LCA5L: variants seen among roughly 807,000 people sequenced by gnomAD.
LCA5L encodes lebercilin-like protein.
LCA5L carries 35 observed loss-of-function variants against 45.4 expected under a neutral mutation model. The ratio of observed to expected loss-of-function variants is 0.77; its 90% CI spans 0.59 to 1.02. The LOEUF (loss-of-function observed/expected upper bound fraction) is 1.02, where lower values mean the gene tolerates loss of function less well. LCA5L is among the 50% of genes least tolerant of loss of function. The pLI is 0.00. For synonymous variants in LCA5L, 233 were observed against 264.7 expected, an observed-to-expected ratio of 0.88 and a Z score of 1.16; for missense variants, 668 against 761.6, an observed-to-expected ratio of 0.88 and a Z score of 1.45.
rs746878776 is a variant in LCA5L, at chr21:39,423,479, T to C, written c.334A>G (p.Ile112Val). Residue 112 changes from isoleucine (I) to valine (V), a missense_variant, in exon 6 of 11, where the codon ATA (isoleucine) becomes GTA (valine). By Grantham distance (29) the Ile-to-Val change is conservative. Transcript: ENST00000288350. ...KISQSKGQKE[I>V]SVEKKHTWNA... Reference sequence around the variant, plus strand: ...CAGGTGTGCTTTTTTTCAACTGATATTTCCTTCTGGCCTGTGTAAGCAGAA... The same window carrying C: ...CAGGTGTGCTTTTTTTCAACTGATACTTCCTTCTGGCCTGTGTAAGCAGAA... 3.8e-6 allele frequency: 6 copies of C among 1,563,336 alleles called. No individual in the cohort carries two copies. The highest frequency in any genetic ancestry group is 1.2e-5 in the South Asian group (1 of 84,590).
chr21:39,409,950 TAA>T lies in LCA5L; in HGVS notation c.1282+27_1282+28del. 1 of 1,230,384 alleles carries T rather than the reference TAA, an allele frequency of 8.1e-7. No homozygotes were observed. Among genetic ancestry groups the T allele is most frequent in the Non-Finnish European group, 1.2e-6 (1 of 845,864 alleles). 76.2% of individuals were successfully genotyped at this position (1,230,384 alleles called of 1,614,324 possible). A position where few individuals can be genotyped will look rare whatever the true frequency, so the allele number is the denominator to read the frequency against. On this transcript the variant is annotated intron_variant, in intron 10 of 10. Coordinates refer to ENST00000288350, the MANE Select transcript of LCA5L (RefSeq NM_152505.4). This position sits in a 1 kb window ranked among gnomAD's most constrained non-coding sequence, Gnocchi z 4.2. ...AATTCACAATTTTAAAGAAATCAGATAAGATAGACTTTAAAGAGTTAAAATTA... is the reference window on the plus strand; with the variant it reads ...AATTCACAATTTTAAAGAAATCAGATGATAGACTTTAAAGAGTTAAAATTA...
At chr21:39,426,822 TC>T (rs2074792785) in intron 5 of LCA5L, among the ~76,000 whole-genome samples, 2 of 152,208 alleles carry the variant, frequency 1.3e-5, no homozygotes, top group Non-Finnish European at 2.9e-5. Flanking sequence ...ACTGGACTTT[TC>T]ATTTCCTGCC....
At chr21:39,414,062 C>T (rs2040589606) in intron 7 of LCA5L, 2 of 152,174 alleles carry the variant, frequency 1.3e-5, no homozygotes, top group African/African-American at 4.8e-5. Context: ...TGGAACACAA[C>T]CCGGGATACT....
rs1307956076 is a variant in LCA5L at position 39,409,451 on chromosome 21, G to A, written c.1282+528C>T. Among the ~76,000 whole-genome samples, 2 of 152,158 alleles carry A rather than the reference G, an allele frequency of 1.3e-5. No homozygotes were observed. The highest frequency in any genetic ancestry group is 2.4e-5 in the African/African-American group (1 of 41,428). ...TGACTGGCCTAAAACCCAAGACGGTGGTGGTTTCTGGTGGGCAGGGCGAGG... is the reference window on the plus strand; with the variant it reads ...TGACTGGCCTAAAACCCAAGACGGTAGTGGTTTCTGGTGGGCAGGGCGAGG... On this transcript the variant is annotated intron_variant, in intron 10 of 10. Coordinates refer to ENST00000288350, the MANE Select transcript of LCA5L (RefSeq NM_152505.4). The surrounding 1 kb of genome is among the most constrained non-coding windows in gnomAD (Gnocchi z 4.2).
chr21:39,419,774 T>C (rs1288205167), intron 7 of LCA5L, among the ~76,000 whole-genome samples: 1 of 151,926 alleles, frequency 6.6e-6, no homozygotes, highest in Non-Finnish European at 1.5e-5. Context: ...GAATCAAGCT[T>C]AAGATTTATT....
In LCA5L at chr21:39,445,713, C is replaced by G. The variant is rs554625674; in HGVS notation, c.-313+12G>C. 8.5e-5 allele frequency: 13 copies of G among 152,472 alleles called. No homozygotes were observed. In the East Asian group the frequency reaches 1.9e-3, roughly 23 times the overall value. The allele number at this position is 152,472 out of a possible 1,614,324, so 9.4% of individuals were successfully genotyped here. A position where few individuals can be genotyped will look rare whatever the true frequency, so the allele number is the denominator to read the frequency against. On this transcript the variant is annotated intron_variant, in intron 1 of 10. Coordinates refer to ENST00000288350, the MANE Select transcript of LCA5L (RefSeq NM_152505.4). ...CGGCTGAGGGGGACGACGGCAGCAG[C>G]GGGGCCGTTACCTGCTCCGCGCTGT...
rs139247744 is a variant in LCA5L, at chr21:39,415,059, G to A, written c.976-3257C>T. Among the ~76,000 whole-genome samples the A allele has an allele frequency of 4.7e-3, 719 of 152,114 alleles. 7 individuals carry two copies. The highest frequency in any genetic ancestry group is 0.016 in the African/African-American group (670 of 41,494). On this transcript the variant is annotated intron_variant, in intron 7 of 10. Transcript: ENST00000288350. The stretch of plus-strand genomic sequence containing the variant: ...TGGGATTACAGGCTTGTGCCACCAT[G>A]CCCAGATAATTTCTAAATTTTTTTG...
chr21:39,417,914 C>T (rs918321566), intron 7 of LCA5L, among the ~76,000 whole-genome samples: 2 of 152,036 alleles, frequency 1.3e-5, no homozygotes, highest in Non-Finnish European at 1.5e-5. Flanking sequence ...TACAGGTGCC[C>T]GCCACCATGC....
intron 10 of LCA5L, 50 bp from the exon 11 acceptor site, chr21:39,406,662 C>G (rs1569057489): frequency 1.4e-6 from 2 of 1,404,668 alleles, no homozygotes; most frequent in Admixed American, 2.2e-5. Context: ...GAATGGATCT[C>G]TATTTCAAGA....
intron 3 of LCA5L, among the ~76,000 whole-genome samples, chr21:39,430,317 C>T (rs1198381699): frequency 6.6e-6 from 1 of 152,228 alleles, no homozygotes; most frequent in Non-Finnish European, 1.5e-5. Context: ...GCTAAAGCCC[C>T]TCCTTCTTCC....
In LCA5L at chr21:39,409,057, G is replaced by T. The variant is rs2039611155; in HGVS notation, c.1282+922C>A. ...AACCCCCAGTATGGCTATATTTGGA[G>T]ACTGGGTCTTTAAGGAAGTAATTAA... On this transcript the variant is annotated intron_variant, in intron 10 of 10. Coordinates refer to ENST00000288350, the MANE Select transcript of LCA5L (RefSeq NM_152505.4). The surrounding 1 kb of genome is among the most constrained non-coding windows in gnomAD (Gnocchi z 4.2). 6.6e-6 allele frequency among the ~76,000 whole-genome samples: 1 copy of T among 152,188 alleles called. No individual in the cohort carries two copies. Among genetic ancestry groups the T allele is most frequent in the Admixed American group, 6.5e-5 (1 of 15,284 alleles).
intron 3 of LCA5L, chr21:39,429,519 G>A (rs978319910): frequency 8.5e-5 from 13 of 152,182 alleles, no homozygotes; most frequent in Admixed American, 7.9e-4. Flanking sequence ...GAGGGAATAG[G>A]TTCAGACAGG....
Position 39,406,123 on chromosome 21 carries a change from A to G in LCA5L, c.1772T>C (p.Phe591Ser). Reference sequence around the variant, plus strand: ...CATGAGACTGCTTTTCTTATCTCTGAAAGTTGTATCCTTCACTTTTATTCT... The same window carrying G: ...CATGAGACTGCTTTTCTTATCTCTGGAAGTTGTATCCTTCACTTTTATTCT... ...SSRIKVKDTT[F>S]RDKKSSLMEE... The change falls in exon 11 of 11, where the codon TTC becomes TCC. Residue 591 changes from phenylalanine (F) to serine (S), a missense_variant. By Grantham distance (155) the Phe-to-Ser change is radical (BLOSUM62 -2). Coordinates refer to ENST00000288350, the MANE Select transcript of LCA5L (RefSeq NM_152505.4). 6.2e-7 allele frequency: 1 copy of G among 1,614,242 alleles called. No homozygotes were observed. The highest frequency in any genetic ancestry group is 8.5e-7 in the Non-Finnish European group (1 of 1,180,050).
At chr21:39,408,515 A>G (rs903618137) in intron 10 of LCA5L, 23 of 152,272 alleles carry the variant, frequency 1.5e-4, no homozygotes, top group African/African-American at 5.3e-4. Flanking sequence ...GCTCCATTAG[A>G]CCTCCAGGTC....
chr21:39,434,156 A>T (rs1194280021), intron 3 of LCA5L, among the ~76,000 whole-genome samples: 2 of 152,158 alleles, frequency 1.3e-5, no homozygotes, highest in African/African-American at 4.8e-5. Flanking sequence ...TGTGAGTTCT[A>T]TTCTTTTCCA....
chr21:39,437,024 G>T (rs560887887), intron 2 of LCA5L, among the ~76,000 whole-genome samples: 31 of 152,188 alleles, frequency 2.0e-4, no homozygotes, highest in African/African-American at 7.5e-4. Context: ...TTTGTCTATT[G>T]CTATATCCTC....
intron 6 of LCA5L, among the ~76,000 whole-genome samples, chr21:39,421,147 G>A (rs1284745199): frequency 1.3e-5 from 2 of 148,686 alleles, no homozygotes; most frequent in Non-Finnish European, 3.0e-5. Context: ...CTGTTGCCCA[G>A]GCTGGAATGC....
rs768560346 is a variant in LCA5L, at chr21:39,428,191, A to C, written c.303T>G (p.Ser101=). 6.3e-7 allele frequency: 1 copy of C among 1,581,646 alleles called. No homozygotes were observed. The highest frequency in any genetic ancestry group is 8.6e-7 in the Non-Finnish European group (1 of 1,161,562). The change falls in exon 5 of 11, where the codon TCT becomes TCG. Residue 101 remains serine (S), a synonymous_variant. Transcript: ENST00000288350. The part of the protein sequence containing the change: ...KEKEKKKYNV[S]KISQSKGQKE... Reference sequence around the variant, plus strand: ...CCTTACCTTTAGATTGGGAGATTTTAGAAACATTATACTTTTTCTTCTCCT... The same window carrying C: ...CCTTACCTTTAGATTGGGAGATTTTCGAAACATTATACTTTTTCTTCTCCT...
At chr21:39,427,431 G>A (rs2074924377) in intron 5 of LCA5L, among the ~76,000 whole-genome samples, 1 of 152,166 alleles carries the variant, frequency 6.6e-6, no homozygotes, top group Admixed American at 6.5e-5. Flanking sequence ...GGGAGGCCGA[G>A]GCAGGCGGAT....
Sources: gnomAD v4.1 joint callset for allele counts (sites outside exome capture counted in the v4.1 genomes callset) on GRCh38, gnomAD v4.1.1 for gene constraint, Gnocchi (gnomAD v3.1) non-coding constraint, MANE v1.5 for transcripts, NCBI Gene and HGNC (gene_info 2026-07-23, HGNC 2026-07-21) for gene names.